The following PCDH20 variants were observed in gnomAD, a reference collection of about 807,000 sequenced individuals.
PCDH20 encodes protocadherin 20, also known as protocadherin-20.
PCDH20 carries 18 observed loss-of-function variants against 39.7 expected under a neutral mutation model. The ratio of observed to expected loss-of-function variants is 0.45; its 90% CI spans 0.31 to 0.67. PCDH20 has a LOEUF of 0.67. Ranked by LOEUF, PCDH20 falls within the 30% of genes least tolerant of loss-of-function variation. PCDH20 has a pLI of 0.05. For synonymous variants in PCDH20, 495 were observed against 455.4 expected, an observed-to-expected ratio of 1.09 and a Z score of -1.11; for missense variants, 1,161 against 1,167.4, an observed-to-expected ratio of 0.99 and a Z score of 0.08.
chr13:61,415,530 G>T, upstream of PCDH20: 1 of 169,052 alleles, frequency 5.9e-6, no homozygotes, highest in Non-Finnish European at 1.3e-5. Flanking sequence ...AAATAAATAA[G>T]CTTGCATTTG....
exon 2 of PCDH20, chr13:61,412,483 A>G (rs1315395554): frequency 8.1e-6 from 13 of 1,614,200 alleles, no homozygotes; most frequent in Middle Eastern, 1.6e-4. Flanking sequence ...TAGTTCTATT[A>G]AGGGTTGAAG....
chr13:61,413,624 C>T lies in PCDH20; in HGVS notation c.475G>A (p.Gly159Arg), dbSNP rs752070620. 81 of 1,614,206 alleles carry T rather than the reference C, an allele frequency of 5.0e-5. 2 individuals carry two copies. The South Asian group carries it at 8.0e-4, about 16-fold the overall frequency. The stretch of plus-strand genomic sequence containing the variant: ...GAAACGCTGCCGCTCCACGCAGTCC[C>T]TCCACCCCCTTCAACACACAGGGCC... Residue 159 changes from glycine (G) to arginine (R), a missense_variant, in exon 2 of 2, where the codon GGG (glycine) becomes AGG (arginine). Gly to Arg is a moderately radical substitution (Grantham distance 125). Transcript: ENST00000409204.
At chr13:61,413,285 G>T (rs772128340) in exon 2 of PCDH20, 2 of 1,614,092 alleles carry the variant, frequency 1.2e-6, no homozygotes, top group Non-Finnish European at 1.7e-6. Context: ...ATGACAATTA[G>T]GTAGGGGGTG....
chr13:61,413,087 G>T (rs540972963), exon 2 of PCDH20: 2 of 1,614,122 alleles, frequency 1.2e-6, no homozygotes, highest in South Asian at 1.1e-5. Flanking sequence ...GCTGCAATTG[G>T]GGTGCCCACT....
chr13:61,415,282 G>C, exon 1 of PCDH20: 1 of 1,175,412 alleles, frequency 8.5e-7, no homozygotes, highest in Non-Finnish European at 1.1e-6. Flanking sequence ...TTAAGGACGG[G>C]AACTCAAAGA....
At chr13:61,414,855 T>C (rs1406064942) in intron 1 of PCDH20, among the ~76,000 whole-genome samples, 172 bp downstream of exon 1, 1 of 152,180 alleles carries the variant, frequency 6.6e-6, no homozygotes, top group African/African-American at 2.4e-5. Context: ...CGGACTTCCC[T>C]ATTCCTTGTT....
At position 61,414,955 on chromosome 13, in the gene PCDH20, C is replaced by G. The variant is rs911530560; in HGVS notation, c.132+72G>C. ...GATAAAGGTAGAAGGTTTGAAAAAC[C>G]ATCCGAGTGGGAATTGCTTCACAAT... On this transcript the variant is annotated intron_variant, in intron 1 of 1. Transcript: ENST00000409204. The G allele has an allele frequency of 6.9e-5, 89 of 1,287,440 alleles. No individual in the cohort carries two copies. The African/African-American group carries it at 8.4e-4, about 12-fold the overall frequency. 79.8% of individuals were successfully genotyped at this position (1,287,440 alleles called of 1,614,324 possible).
chr13:61,413,091 G>T (rs1566223022), exon 2 of PCDH20: 2 of 1,614,142 alleles, frequency 1.2e-6, no homozygotes, highest in Admixed American at 3.3e-5. Context: ...CAATTGGGGT[G>T]CCCACTGTAG....
exon 1 of PCDH20, chr13:61,415,363 T>C (rs1871525689): frequency 1.9e-6 from 1 of 524,664 alleles, no homozygotes; most frequent in African/African-American, 2.0e-5. Context: ...AACTCCATAC[T>C]CTGCCAGAGG....
exon 2 of PCDH20, chr13:61,411,979 G>A: frequency 6.2e-7 from 1 of 1,614,110 alleles, no homozygotes; most frequent in Non-Finnish European, 8.5e-7. Flanking sequence ...CAAAGTATAG[G>A]AGCTTTGCTG....
rs763646347 is a variant in PCDH20, at chr13:61,412,053, A to T, written c.2046T>A (p.Ser682Arg). ...TTCCTGTATCTATGACAAAAATATCACTCTGGTTCACCACAGAGAGGGCGA... is the reference window on the plus strand; with the variant it reads ...TTCCTGTATCTATGACAAAAATATCTCTCTGGTTCACCACAGAGAGGGCGA... The change falls in exon 2 of 2, where the codon AGT becomes AGA. Residue 682 changes from serine (S) to arginine (R), a missense_variant. Around this residue, in one of 3 missense-constraint regions of PCDH20, gnomAD observed 754 missense variants for 777.5 expected, o/e 0.97. Coordinates refer to ENST00000409204, the Ensembl canonical transcript of PCDH20. 3.2e-5 allele frequency: 51 copies of T among 1,613,840 alleles called. No homozygotes were observed. Among genetic ancestry groups the T allele is most frequent in the Non-Finnish European group, 4.1e-5 (48 of 1,180,000 alleles).
At chr13:61,411,623 C>A in exon 2 of PCDH20, 1 of 1,614,150 alleles carries the variant, frequency 6.2e-7, no homozygotes, top group Non-Finnish European at 8.5e-7. Context: ...TAACCATGAT[C>A]ACTCACTTTC....
chr13:61,414,678 T>C (rs962858767), intron 1 of PCDH20, among the ~76,000 whole-genome samples: 3 of 152,006 alleles, frequency 2.0e-5, no homozygotes, highest in Non-Finnish European at 4.4e-5. Context: ...ACGCGGAAAA[T>C]GGCTATGCAA....
chr13:61,413,238 C>T (rs1215150912), exon 2 of PCDH20: 9 of 1,614,100 alleles, frequency 5.6e-6, no homozygotes, highest in Non-Finnish European at 7.6e-6. Context: ...TGATGATGCT[C>T]ACATACTGGT....
chr13:61,412,238 A>G, exon 2 of PCDH20: 1 of 1,614,052 alleles, frequency 6.2e-7, no homozygotes, highest in Non-Finnish European at 8.5e-7. Context: ...GTGGCTACTG[A>G]TTCTCTGGGT....
At chr13:61,413,804 G>T (rs1307440181) in exon 2 of PCDH20, 1 of 1,613,192 alleles carries the variant, frequency 6.2e-7, no homozygotes. Context: ...TGCGGGTCCG[G>T]CCTCCCTGCA....
exon 2 of PCDH20, chr13:61,411,975 A>G (rs1315293811): frequency 5.6e-6 from 9 of 1,614,196 alleles, no homozygotes; most frequent in South Asian, 1.1e-5. Context: ...CCCACAAAGT[A>G]TAGGAGCTTT....
chr13:61,414,084 T>C, intron 1 of PCDH20, 118 bp from the exon 2 acceptor site: 1 of 906,752 alleles, frequency 1.1e-6, no homozygotes, highest in Non-Finnish European at 1.6e-6. Flanking sequence ...AAGCAAAACC[T>C]CTAATTAGAA....
exon 2 of PCDH20, chr13:61,411,261 C>T (rs771959099): frequency 1.7e-5 from 27 of 1,611,236 alleles, no homozygotes; most frequent in Admixed American, 5.0e-5. Context: ...TAGAAATATC[C>T]ATTGGCTTTC....
Sources: gnomAD v4.1 joint callset for allele counts (sites outside exome capture counted in the v4.1 genomes callset) on GRCh38, gnomAD v4.1.1 for gene constraint, gnomAD v4.1.1 regional missense constraint, MANE v1.5 for transcripts, NCBI Gene and HGNC (gene_info 2026-07-23, HGNC 2026-07-21) for gene names.